Variants in IMMP2L observed in about 807,000 individuals in gnomAD.
IMMP2L encodes inner mitochondrial membrane peptidase subunit 2, also known as mitochondrial inner membrane protease subunit 2.
IMMP2L carries 18 observed loss-of-function variants against 19.3 expected under a neutral mutation model. That is an observed-to-expected ratio of 0.93 (90% CI 0.64 to 1.38). IMMP2L has a LOEUF of 1.38. Ranked by LOEUF, IMMP2L falls within the 40% of genes most tolerant of loss-of-function variation. The pLI is 0.00. For missense variants in IMMP2L, 233 were observed against 218.2 expected, an observed-to-expected ratio of 1.07 and a Z score of -0.43; for synonymous variants, 76 against 73.0, an observed-to-expected ratio of 1.04 and a Z score of -0.21.
chr7:110,781,520 C>A (rs1030284284), intron 5 of IMMP2L, among the ~76,000 whole-genome samples: 1 of 151,696 alleles, frequency 6.6e-6, no homozygotes, highest in African/African-American at 2.4e-5. Flanking sequence ...CATCAAATAT[C>A]TACTCAATAT....
At chr7:111,492,311 A>G (rs553567782) in intron 2 of IMMP2L, 6 of 805,446 alleles carry the variant, frequency 7.4e-6, no homozygotes, top group Non-Finnish European at 9.0e-6. Context: ...CCAGCCCCCA[A>G]ATATACTTCC....
rs555453467 is a variant in IMMP2L, at chr7:111,024,145, A to G, written c.240-60580T>C. Among the ~76,000 whole-genome samples, 18 of 152,346 alleles carry G rather than the reference A, an allele frequency of 1.2e-4. No homozygotes were observed. The South Asian group carries it at 3.5e-3, about 30-fold the overall frequency. On this transcript the variant is annotated intron_variant, in intron 3 of 5. Coordinates refer to ENST00000405709, the MANE Select transcript of IMMP2L (RefSeq NM_032549.4). ...GCAGGTTGAAGCAAAGATAGGTAAAATTCTTGGGGCAAAATTTTAGCAATG... is the reference window on the plus strand; with the variant it reads ...GCAGGTTGAAGCAAAGATAGGTAAAGTTCTTGGGGCAAAATTTTAGCAATG...
chr7:111,017,813 A>C (rs1362531051), intron 3 of IMMP2L, among the ~76,000 whole-genome samples: 3 of 152,216 alleles, frequency 2.0e-5, no homozygotes, highest in Non-Finnish European at 2.9e-5. Flanking sequence ...GGTAGGAGCC[A>C]TCAGAAGAAG....
chr7:110,769,728 AAAGT>A (rs1035000575), intron 5 of IMMP2L, among the ~76,000 whole-genome samples: 5 of 152,152 alleles, frequency 3.3e-5, no homozygotes, highest in African/African-American at 9.7e-5. Flanking sequence ...AAAAGAAATA[AAAGT>A]TAGTGAAAAA....
At chr7:110,785,484 G>A (rs1489116242) in intron 5 of IMMP2L, among the ~76,000 whole-genome samples, 1 of 151,836 alleles carries the variant, frequency 6.6e-6, no homozygotes, top group Admixed American at 6.6e-5. Flanking sequence ...CAATGAGCTT[G>A]GAGAGCAAAA....
chr7:111,199,626 A>G (rs1345753608), intron 3 of IMMP2L, among the ~76,000 whole-genome samples: 2 of 152,196 alleles, frequency 1.3e-5, no homozygotes, highest in Non-Finnish European at 2.9e-5. Flanking sequence ...ATAACAAACC[A>G]ATTAGAAGAA....
intron 3 of IMMP2L, among the ~76,000 whole-genome samples, chr7:110,974,905 A>C (rs1349845288): frequency 6.6e-6 from 1 of 152,128 alleles, no homozygotes; most frequent in Non-Finnish European, 1.5e-5. Context: ...TAGGAGAAAA[A>C]TTTTGTAAAC....
intron 5 of IMMP2L, among the ~76,000 whole-genome samples, chr7:110,679,115 C>T (rs1383528753): frequency 2.6e-5 from 4 of 152,060 alleles, no homozygotes; most frequent in Non-Finnish European, 5.9e-5. Context: ...TTCTAGTCCC[C>T]CCAAGACACC....
At chr7:111,329,969 G>T (rs1825713226) in intron 3 of IMMP2L, among the ~76,000 whole-genome samples, 1 of 151,618 alleles carries the variant, frequency 6.6e-6, no homozygotes, top group South Asian at 2.1e-4. Flanking sequence ...CAAACAAATG[G>T]CAAGACACTG....
intron 3 of IMMP2L, among the ~76,000 whole-genome samples, chr7:111,341,960 C>A (rs2130795119): frequency 6.6e-6 from 1 of 152,248 alleles, no homozygotes; most frequent in Middle Eastern, 3.4e-3. Flanking sequence ...CAGATGCCAG[C>A]TGCTCAATCT....
At chr7:110,895,239 C>A (rs1178701382) in intron 4 of IMMP2L, among the ~76,000 whole-genome samples, 1 of 152,254 alleles carries the variant, frequency 6.6e-6, no homozygotes. Flanking sequence ...GAAAGATCTG[C>A]CCCCATAATT....
chr7:111,264,921 T>C (rs917128703), intron 3 of IMMP2L, among the ~76,000 whole-genome samples: 1 of 152,094 alleles, frequency 6.6e-6, no homozygotes, highest in Non-Finnish European at 1.5e-5. Context: ...ATTCCCCCTA[T>C]TAAATTCCAA....
chr7:110,893,636 T>A (rs1811043171), intron 4 of IMMP2L, among the ~76,000 whole-genome samples: 1 of 152,168 alleles, frequency 6.6e-6, no homozygotes, highest in Non-Finnish European at 1.5e-5. Context: ...ATGGGTATAT[T>A]ACATGATGCT....
intron 3 of IMMP2L, among the ~76,000 whole-genome samples, chr7:111,084,924 T>C (rs1343592442): frequency 6.6e-6 from 1 of 152,194 alleles, no homozygotes; most frequent in Non-Finnish European, 1.5e-5. Flanking sequence ...ATTGTTGTTA[T>C]TATAGTATGA....
rs546830456 is a variant in IMMP2L at position 110,746,600 on chromosome 7, A to T, written c.409-82879T>A. Among the ~76,000 whole-genome samples the T allele has an allele frequency of 9.8e-5, 15 of 152,294 alleles. No individual in the cohort carries two copies. The South Asian group carries it at 2.9e-3, about 29-fold the overall frequency. On this transcript the variant is annotated intron_variant, in intron 5 of 5. Coordinates refer to ENST00000405709, the MANE Select transcript of IMMP2L (RefSeq NM_032549.4). ...ATTAGAACTCAGGATTAAGAAACTCACTCAAAACTGCACAACTATATAGAA... is the reference window on the plus strand; with the variant it reads ...ATTAGAACTCAGGATTAAGAAACTCTCTCAAAACTGCACAACTATATAGAA...
intron 5 of IMMP2L, among the ~76,000 whole-genome samples, chr7:110,700,481 G>C (rs1032026508): frequency 6.6e-6 from 1 of 152,120 alleles, no homozygotes; most frequent in Non-Finnish European, 1.5e-5. Context: ...AATCCCCGTA[G>C]TCCTCACAAA....
intron 3 of IMMP2L, among the ~76,000 whole-genome samples, chr7:110,984,831 C>T (rs1271573807): frequency 2.0e-5 from 3 of 152,060 alleles, no homozygotes; most frequent in Non-Finnish European, 4.4e-5. Context: ...AAGATGGCCA[C>T]ATCCAAATCC....
At chr7:111,555,535 C>T (rs191856607) in intron 1 of IMMP2L, among the ~76,000 whole-genome samples, 1 of 152,032 alleles carries the variant, frequency 6.6e-6, no homozygotes, top group Admixed American at 6.6e-5. Context: ...GTTTCTAACT[C>T]ACAGCATACA....
chr7:111,510,056 A>AACTT (rs1351832439), intron 2 of IMMP2L, among the ~76,000 whole-genome samples: 2 of 152,174 alleles, frequency 1.3e-5, no homozygotes, highest in Non-Finnish European at 2.9e-5. Context: ...TCATGAGTTA[A>AACTT]ACTTACAATG....
Sources: allele counts gnomAD v4.1 joint callset (sites outside exome capture counted in the v4.1 genomes callset), GRCh38; gene constraint gnomAD v4.1.1; transcripts MANE v1.5; gene names NCBI Gene and HGNC (gene_info 2026-07-23, HGNC 2026-07-21).